HEATR1: variants seen among roughly 807,000 people sequenced by gnomAD.
The protein encoded by HEATR1 is HEAT repeat containing 1.
Under a neutral mutation model 248.2 loss-of-function variants are expected in HEATR1, and 77 were observed. That is an observed-to-expected ratio of 0.31 (90% CI 0.26 to 0.37). HEATR1 has a LOEUF of 0.37. HEATR1 is among the 10% of genes least tolerant of loss of function. The pLI is 1.00. For missense variants in HEATR1, 2,420 were observed against 2,504.9 expected (o/e 0.97, Z 0.72); for synonymous variants, 897 against 923.1 (o/e 0.97, Z 0.51).
intron 37 of HEATR1, among the ~76,000 whole-genome samples, chr1:236,556,661 C>A (rs949148888): frequency 6.6e-6 from 1 of 152,158 alleles, no homozygotes; most frequent in East Asian, 1.9e-4. Flanking sequence ...TAATCATTTG[C>A]CCCATGGTAA....
chr1:236,560,982 T>C (rs139017947), intron 33 of HEATR1, among the ~76,000 whole-genome samples: 1 of 152,226 alleles, frequency 6.6e-6, no homozygotes, highest in Non-Finnish European at 1.5e-5. Flanking sequence ...ATTTGATCAA[T>C]GTACTGTGGT....
intron 2 of HEATR1, 115 bp from the exon 3 acceptor site, chr1:236,603,491 TA>T: frequency 1.4e-6 from 1 of 733,694 alleles, no homozygotes; most frequent in Non-Finnish European, 2.2e-6. Flanking sequence ...TAAGTACATA[TA>T]ATTTATAATA....
At position 236,554,738 on chromosome 1, in the gene HEATR1, CA is replaced by C; in HGVS notation, c.5937del (p.Phe1979LeufsTer18). The C allele has an allele frequency of 6.2e-7, 1 of 1,605,662 alleles. No homozygotes were observed. The highest frequency in any genetic ancestry group is 1.1e-5 in the South Asian group (1 of 88,770). ...VNISKTDEAF[F>X]DSENDPEKCC... ...CACTTTTCAGGGTCATTTTCAGAGT[CA>C]AAAAATGCTTCATCTGTAGACGTGG... On this transcript the variant is annotated frameshift_variant, in exon 42 of 45. Coordinates refer to ENST00000366582, the MANE Select transcript of HEATR1 (RefSeq NM_018072.6). LOFTEE classifies it high-confidence loss of function.
intron 22 of HEATR1, 131 bp from the exon 23 acceptor site, chr1:236,575,034 T>A: frequency 1.3e-6 from 1 of 780,332 alleles, no homozygotes; most frequent in Non-Finnish European, 2.0e-6. Flanking sequence ...GATGGTAACT[T>A]CTTAGACATG....
intron 3 of HEATR1, 179 bp downstream of exon 3, chr1:236,602,981 A>C: frequency 3.4e-6 from 2 of 590,042 alleles, no homozygotes; most frequent in Non-Finnish European, 6.0e-6. Context: ...TCTACTTTTC[A>C]CTATCAACAA....
In HEATR1 at chr1:236,550,763, A is replaced by G. The variant is rs1572026597; in HGVS notation, c.*139T>C. On this transcript the variant is annotated 3_prime_UTR_variant, in exon 45 of 45. Coordinates refer to ENST00000366582, the MANE Select transcript of HEATR1 (RefSeq NM_018072.6). ...GCACAAGCCAGGTGGGGATTTTGTA[A>G]AGAAGTGATAAAACATTTGTAAGTA... 3.1e-6 allele frequency: 2 copies of G among 637,574 alleles called. No homozygotes were observed. The highest frequency in any genetic ancestry group is 5.6e-5 in the East Asian group (2 of 35,680). The allele number at this position is 637,574 out of a possible 1,614,324, so 39.5% of individuals were successfully genotyped here. A position where few individuals can be genotyped will look rare whatever the true frequency, so the allele number is the denominator to read the frequency against.
At chr1:236,560,913 A>T (rs1663114728) in intron 33 of HEATR1, among the ~76,000 whole-genome samples, 1 of 152,212 alleles carries the variant, frequency 6.6e-6, no homozygotes, top group Non-Finnish European at 1.5e-5. Flanking sequence ...ATAATTAGGG[A>T]GACTGGAGTA....
At position 236,572,395 on chromosome 1, in the gene HEATR1, A is replaced by C. The variant is rs1356064883; in HGVS notation, c.3707+16T>G. 4 of 1,613,362 alleles carry C rather than the reference A, an allele frequency of 2.5e-6. No individual in the cohort carries two copies. The African/African-American group carries it at 4.0e-5, about 16-fold the overall frequency. The stretch of plus-strand genomic sequence containing the variant: ...AGAGTCCTATTCTCTCACAGATCAA[A>C]GCCAAGTGTCATTACCTTGATAGCA... On this transcript the variant is annotated intron_variant, in intron 26 of 44. Transcript: ENST00000366582.
intron 8 of HEATR1, 25 bp from the exon 9 acceptor site, chr1:236,594,139 T>G: frequency 6.9e-7 from 1 of 1,452,760 alleles, no homozygotes; most frequent in Non-Finnish European, 9.4e-7. Flanking sequence ...ATTAAAATTG[T>G]GTTGGGAAAA....
rs773145881 is a variant in HEATR1, at chr1:236,558,220, A to C, written c.5204+17T>G. 6.2e-7 allele frequency: 1 copy of C among 1,600,914 alleles called. No individual in the cohort carries two copies. The highest frequency in any genetic ancestry group is 2.2e-5 in the East Asian group (1 of 44,730). On this transcript the variant is annotated intron_variant, in intron 36 of 44. Transcript: ENST00000366582. ...CCAGGCGGTAACAGCTCCTGTTCCA[A>C]GTCTCCGGCCGCATACCTGGGAAGC...
intron 32 of HEATR1, among the ~76,000 whole-genome samples, chr1:236,562,286 GCTTT>G (rs964876554): frequency 8.5e-5 from 13 of 152,264 alleles, no homozygotes; most frequent in African/African-American, 3.1e-4. Flanking sequence ...TCAGCCTGTG[GCTTT>G]CTATTGAATC....
chr1:236,593,584 GAAAAAAAAAAA>G (rs534009257), intron 9 of HEATR1, among the ~76,000 whole-genome samples: 2 of 90,832 alleles, frequency 2.2e-5, no homozygotes, highest in Non-Finnish European at 2.2e-5. Context: ...CCCATTAAGA[GAAAAAAAAAAA>G]AAAAAAAAAA....
chr1:236,549,159 CCAAT>C lies in HEATR1; in HGVS notation c.*1739_*1742del. ...AATCTGTTTTGTTCCCATGAAATCA[CCAAT>C]CAAGGCCTCCGTTCTTCTAAAGATT... On this transcript the variant is annotated 3_prime_UTR_variant, in exon 45 of 45. Coordinates refer to ENST00000366582, the MANE Select transcript of HEATR1 (RefSeq NM_018072.6). 2.5e-6 allele frequency: 1 copy of C among 395,634 alleles called. No homozygotes were observed. 24.5% of individuals were successfully genotyped at this position (395,634 alleles called of 1,614,324 possible).
intron 20 of HEATR1, among the ~76,000 whole-genome samples, chr1:236,578,703 A>G (rs1265024004): frequency 6.6e-6 from 1 of 152,172 alleles, no homozygotes; most frequent in East Asian, 1.9e-4. Context: ...TAGGATTTTT[A>G]CATAATATTA....
rs750524140 is a variant in HEATR1, at chr1:236,587,489, A to G, written c.1628T>C (p.Ile543Thr). The change falls in exon 14 of 45, where the codon ATT (isoleucine) becomes ACT (threonine). Residue 543 changes from isoleucine (I) to threonine (T), a missense_variant and splice_region_variant. By Grantham distance (89) the Ile-to-Thr change is moderately conservative. Transcript: ENST00000366582. ...TTCTGAACTGAAGTGTTCTTTGAAA[A>G]TCTAAAGGGAAAAAAATATCCAGAG... ...VVLSAISAFEIFKEHFSSEVT... is the reference protein window; with the variant it reads ...VVLSAISAFETFKEHFSSEVT... The G allele has an allele frequency of 1.4e-6, 2 of 1,472,280 alleles. No homozygotes were observed. The highest frequency in any genetic ancestry group is 2.8e-5 in the African/African-American group (2 of 70,542). The allele number at this position is 1,472,280 out of a possible 1,614,324, so 91.2% of individuals were successfully genotyped here.
intron 33 of HEATR1, among the ~76,000 whole-genome samples, chr1:236,560,799 G>A (rs554081039): frequency 1.3e-5 from 2 of 152,322 alleles, no homozygotes; most frequent in East Asian, 3.9e-4. Flanking sequence ...ATAGAAATCA[G>A]GGCCAGATTA....
Position 236,556,224 on chromosome 1 carries a change from C to T in HEATR1, c.5390G>A (p.Gly1797Asp). 2 of 1,614,036 alleles carry T rather than the reference C, an allele frequency of 1.2e-6. No individual in the cohort carries two copies. Among genetic ancestry groups the T allele is most frequent in the East Asian group, 2.2e-5 (1 of 44,858 alleles). Reference protein sequence around the residue: ...IHLEKITSEMGSASQANIRLT... With the variant: ...IHLEKITSEMDSASQANIRLT... ...ACGGATATTAGCCTGTGACGCAGAA[C>T]CCATTTCACTAGTGATTTTCTCCAG... Residue 1797 changes from glycine (G) to aspartate (D), a missense_variant, in exon 38 of 45, where the codon GGT becomes GAT. Physicochemically the swap from Gly to Asp is moderately conservative, Grantham distance 94. Coordinates refer to ENST00000366582, the MANE Select transcript of HEATR1 (RefSeq NM_018072.6).
chr1:236,568,273 ATAT>A (rs1414048479), intron 29 of HEATR1, among the ~76,000 whole-genome samples: 1 of 152,198 alleles, frequency 6.6e-6, no homozygotes, highest in African/African-American at 2.4e-5. Flanking sequence ...ATATGAATGC[ATAT>A]TATTATTTTT....
At position 236,597,260 on chromosome 1, in the gene HEATR1, T is replaced by A. The variant is rs111553302; in HGVS notation, c.604-284A>T. On this transcript the variant is annotated intron_variant, in intron 5 of 44. Coordinates refer to ENST00000366582, the MANE Select transcript of HEATR1 (RefSeq NM_018072.6). The stretch of plus-strand genomic sequence containing the variant: ...AACATTTTTATTTAAAAAAAAATTT[T>A]TTTTTTTTTTTTTTGAGATGGAGTC... Among the ~76,000 whole-genome samples the A allele has an allele frequency of 1.1e-3, 149 of 136,296 alleles. 2 individuals are homozygous for A. Among genetic ancestry groups the A allele is most frequent in the East Asian group, 3.8e-3 (18 of 4,742 alleles). 89.4% of individuals were successfully genotyped at this position (136,296 alleles called of 152,430 possible). A position where few individuals can be genotyped will look rare whatever the true frequency, so the allele number is the denominator to read the frequency against.
Sources: allele counts gnomAD v4.1 joint callset (sites outside exome capture counted in the v4.1 genomes callset), GRCh38; gene constraint gnomAD v4.1.1; transcripts MANE v1.5; gene names NCBI Gene and HGNC (gene_info 2026-07-23, HGNC 2026-07-21).